The following PRRG1 variants were observed in gnomAD, a reference collection of about 807,000 sequenced individuals.
PRRG1 encodes the protein transmembrane gamma-carboxyglutamic acid protein 1.
PRRG1 carries 5 observed loss-of-function variants against 11.8 expected under a neutral mutation model. The observed-to-expected ratio is 0.42, with a 90% confidence interval of 0.22 to 0.89. The LOEUF (loss-of-function observed/expected upper bound fraction) is 0.89, where lower values mean the gene tolerates loss of function less well. Ranked by LOEUF, PRRG1 falls within the 40% of genes least tolerant of loss-of-function variation. The pLI, the probability that PRRG1 is intolerant of heterozygous loss-of-function variation, is 0.28. For missense variants in PRRG1, 155 were observed against 166.1 expected, an observed-to-expected ratio of 0.93 and a Z score of 0.37; for synonymous variants, 66 against 60.4, an observed-to-expected ratio of 1.09 and a Z score of -0.43.
chrX:37,407,234 G>C (rs1556382298), intron 2 of PRRG1, among the ~76,000 whole-genome samples: 1 of 110,603 alleles, frequency 9.0e-6, no homozygotes, highest in South Asian at 3.9e-4. Context: ...TGACTGAAAG[G>C]GGGAGGTCTG....
chrX:37,403,673 T>G, intron 1 of PRRG1: 1 of 519,136 alleles, frequency 1.9e-6, no homozygotes, highest in South Asian at 1.0e-4. Context: ...TAAAATAAAA[T>G]AAAATGAATC....
At chrX:37,395,756 A>G (rs1931693662) in intron 1 of PRRG1, among the ~76,000 whole-genome samples, 1 of 112,017 alleles carries the variant, frequency 8.9e-6, no homozygotes, top group South Asian at 3.7e-4. Flanking sequence ...TATACTTTCC[A>G]AAAGGTAGAT....
chrX:37,404,334 A>G (rs1329416557), intron 1 of PRRG1, among the ~76,000 whole-genome samples: 1 of 111,334 alleles, frequency 9.0e-6, no homozygotes, highest in Non-Finnish European at 1.9e-5. Flanking sequence ...TACATGGATT[A>G]TATTTTAGTA....
intron 3 of PRRG1, among the ~76,000 whole-genome samples, chrX:37,430,223 T>A (rs1932813036): frequency 9.2e-6 from 1 of 108,274 alleles, no homozygotes; most frequent in African/African-American, 3.6e-5. Flanking sequence ...TACCAGAATG[T>A]TGTTACTTCT....
intron 2 of PRRG1, among the ~76,000 whole-genome samples, chrX:37,423,751 C>T (rs782527317): frequency 9.0e-6 from 1 of 110,612 alleles, no homozygotes; most frequent in Admixed American, 9.7e-5. Context: ...CAGTAGTCTA[C>T]GGTAATGTCC....
At chrX:37,379,898 G>T (rs782338417) in intron 1 of PRRG1, among the ~76,000 whole-genome samples, 1 of 111,216 alleles carries the variant, frequency 9.0e-6, no homozygotes, top group African/African-American at 3.3e-5. Context: ...CTCCCTCAAA[G>T]AACTTGCAAT....
intron 2 of PRRG1, among the ~76,000 whole-genome samples, chrX:37,423,535 T>C (rs993282786): frequency 4.4e-4 from 49 of 110,147 alleles, no homozygotes; most frequent in African/African-American, 1.5e-3. Flanking sequence ...TTTAATTTAA[T>C]TTAATTTTAA....
intron 2 of PRRG1, among the ~76,000 whole-genome samples, chrX:37,411,593 G>A (rs1355764339): frequency 1.8e-5 from 2 of 111,664 alleles, no homozygotes; most frequent in African/African-American, 6.5e-5. Context: ...CTTTCCATCT[G>A]AATTTTTTTC....
chrX:37,364,118 C>T (rs1416509488), intron 1 of PRRG1, among the ~76,000 whole-genome samples: 1 of 111,393 alleles, frequency 9.0e-6, no homozygotes, highest in Non-Finnish European at 1.9e-5. Context: ...CCCTTTGCCA[C>T]TCCTTTGGAG....
intron 2 of PRRG1, among the ~76,000 whole-genome samples, chrX:37,413,527 A>G (rs1425625776): frequency 1.8e-5 from 2 of 111,645 alleles, no homozygotes; most frequent in East Asian, 5.6e-4. Flanking sequence ...TTGCTGTATC[A>G]TATGGTAAGA....
chrX:37,371,879 G>A (rs1930772866), intron 1 of PRRG1, among the ~76,000 whole-genome samples: 2 of 113,113 alleles, frequency 1.8e-5, no homozygotes, highest in Non-Finnish European at 3.8e-5. Context: ...TGAGCCGAGT[G>A]TAGCCTGCCA....
At chrX:37,394,597 A>G (rs1366805874) in intron 1 of PRRG1, among the ~76,000 whole-genome samples, 1 of 111,894 alleles carries the variant, frequency 8.9e-6, no homozygotes, top group East Asian at 2.8e-4. Flanking sequence ...CTACAAATTA[A>G]AATGTAGCCT....
chrX:37,387,503 C>T (rs964780790), intron 1 of PRRG1, among the ~76,000 whole-genome samples: 25 of 111,090 alleles, frequency 2.3e-4, no homozygotes, highest in Admixed American at 1.0e-3. Flanking sequence ...TGGCAGAAGG[C>T]GAAGAGCCAG....
At chrX:37,447,443 C>T (rs1200942799) in intron 3 of PRRG1, among the ~76,000 whole-genome samples, 1 of 112,330 alleles carries the variant, frequency 8.9e-6, no homozygotes, top group Non-Finnish European at 1.9e-5. Flanking sequence ...GTCTCATAAT[C>T]ATTCTTCAAT....
chrX:37,403,193 T>C (rs1932072168), intron 1 of PRRG1, among the ~76,000 whole-genome samples: 1 of 109,640 alleles, frequency 9.1e-6, no homozygotes, highest in Admixed American at 9.8e-5. Flanking sequence ...ATGTTTATTG[T>C]GGCACTATTC....
chrX:37,441,695 G>A (rs3934364), intron 3 of PRRG1: 67,072 of 795,033 alleles, frequency 0.084, 3,823 homozygotes, highest in African/African-American at 0.39. Context: ...TACTTCCTGC[G>A]CCAGTTGCAC....
intron 1 of PRRG1, among the ~76,000 whole-genome samples, chrX:37,394,878 A>G (rs952475760): frequency 2.0e-4 from 22 of 111,610 alleles, no homozygotes; most frequent in African/African-American, 6.8e-4. Flanking sequence ...TTCAGCTTAC[A>G]AAATATACCT....
intron 1 of PRRG1, among the ~76,000 whole-genome samples, chrX:37,375,155 G>A (rs1398994759): frequency 8.0e-5 from 9 of 111,853 alleles, no homozygotes; most frequent in African/African-American, 2.9e-4. Flanking sequence ...TATTGATGTA[G>A]TAAGGTGTAG....
At chrX:37,356,995 T>C (rs782608318) in intron 1 of PRRG1, among the ~76,000 whole-genome samples, 1 of 111,630 alleles carries the variant, frequency 9.0e-6, no homozygotes, top group Non-Finnish European at 1.9e-5. Flanking sequence ...TAATAACATA[T>C]CTACTATTGT....
Sources: gnomAD v4.1 joint callset for allele counts (sites outside exome capture counted in the v4.1 genomes callset) on GRCh38, gnomAD v4.1.1 for gene constraint, MANE v1.5 for transcripts, NCBI Gene and HGNC (gene_info 2026-07-23, HGNC 2026-07-21) for gene names.